Variants in PARD3B observed in about 807,000 individuals in gnomAD.
PARD3B encodes the protein partitioning defective 3 homolog B.
A neutral mutation model predicts 130.2 loss-of-function variants in PARD3B; 103 were observed. That is an observed-to-expected ratio of 0.79 (90% CI 0.67 to 0.93). PARD3B has a LOEUF of 0.93. Ranked by LOEUF, PARD3B falls within the 40% of genes least tolerant of loss-of-function variation. The pLI is 0.00. For missense variants in PARD3B, 1,609 were observed against 1,499.2 expected, an observed-to-expected ratio of 1.07 and a Z score of -1.21; for synonymous variants, 583 against 553.2, an observed-to-expected ratio of 1.05 and a Z score of -0.76.
chr2:204,581,681 C>T (rs1266061592), intron 1 of PARD3B, among the ~76,000 whole-genome samples: 1 of 152,112 alleles, frequency 6.6e-6, no homozygotes, highest in African/African-American at 2.4e-5. Flanking sequence ...ATCCCTAAAT[C>T]CTCAAAAAAC....
rs1247675852 is a variant in PARD3B at position 205,156,280 on chromosome 2, GAGGA to G, written c.1435-2440_1435-2437del. On this transcript the variant is annotated intron_variant, in intron 10 of 22. Transcript: ENST00000406610. ...ACTGTTGTGGGGTGGGCGGGGGGGG[GAGGA>G]ATAGCATTAGGAGATATACCTAATG... is the stretch of plus-strand genomic sequence containing the variant. Among the ~76,000 whole-genome samples the G allele has an allele frequency of 3.8e-4, 51 of 133,910 alleles. 1 individual carries two copies. The highest frequency in any genetic ancestry group is 3.8e-3 in the Middle Eastern group (1 of 264). 87.9% of individuals were successfully genotyped at this position (133,910 alleles called of 152,430 possible). A position where few individuals can be genotyped will look rare whatever the true frequency, so the allele number is the denominator to read the frequency against.
chr2:205,257,411 T>G (rs572884827), intron 16 of PARD3B, among the ~76,000 whole-genome samples: 10 of 151,444 alleles, frequency 6.6e-5, no homozygotes, highest in Non-Finnish European at 1.2e-4. Context: ...TTGTAAAATA[T>G]CATGGCATGC....
chr2:205,184,210 A>T lies in PARD3B; in HGVS notation c.1925-1554A>T, dbSNP rs1576111770. ...TATCTAGGTACCCTGTGGCCCAGTG[A>T]GATTGACATATAAAATTAACCATCA... On this transcript the variant is annotated intron_variant, in intron 13 of 22. Transcript: ENST00000406610. 2.6e-5 allele frequency among the ~76,000 whole-genome samples: 4 copies of T among 152,174 alleles called. No homozygotes were observed. In the South Asian group the frequency reaches 8.3e-4, roughly 32 times the overall value.
chr2:205,225,273 T>C (rs1365564511), intron 15 of PARD3B, among the ~76,000 whole-genome samples: 1 of 152,232 alleles, frequency 6.6e-6, no homozygotes, highest in Non-Finnish European at 1.5e-5. Context: ...GCATTTGTTA[T>C]TGCCTGTCTT....
intron 5 of PARD3B, among the ~76,000 whole-genome samples, chr2:205,107,800 G>A (rs973284436): frequency 1.3e-5 from 2 of 152,180 alleles, no homozygotes; most frequent in Admixed American, 1.3e-4. Flanking sequence ...CTCTTATGAA[G>A]CACCACTCAA....
chr2:204,849,051 C>T (rs901132590), intron 2 of PARD3B, among the ~76,000 whole-genome samples: 1 of 151,918 alleles, frequency 6.6e-6, no homozygotes, highest in Non-Finnish European at 1.5e-5. Flanking sequence ...TTAGAGGTTG[C>T]TTGGCTATAT....
chr2:205,559,094 AC>A (rs2053027299), intron 22 of PARD3B, among the ~76,000 whole-genome samples: 1 of 152,010 alleles, frequency 6.6e-6, no homozygotes, highest in Non-Finnish European at 1.5e-5. Context: ...TGTTTCCTCT[AC>A]CCAGGTGGAG....
At chr2:205,084,201 T>C (rs1701607740) in intron 4 of PARD3B, among the ~76,000 whole-genome samples, 1 of 152,160 alleles carries the variant, frequency 6.6e-6, no homozygotes, top group Non-Finnish European at 1.5e-5. Flanking sequence ...TAATTGTTTT[T>C]CTGTTTTTTA....
intron 10 of PARD3B, among the ~76,000 whole-genome samples, chr2:205,150,665 G>A (rs73982711): frequency 0.035 from 5,327 of 152,162 alleles, 188 homozygotes; most frequent in African/African-American, 0.09. Flanking sequence ...AAACATAACT[G>A]TACTTGGGTG....
At chr2:205,080,891 C>G (rs1178556632) in intron 4 of PARD3B, among the ~76,000 whole-genome samples, 1 of 151,138 alleles carries the variant, frequency 6.6e-6, no homozygotes. Context: ...TTGAGCACCT[C>G]TTCATATGTT....
At chr2:204,620,767 T>G (rs556203521) in intron 1 of PARD3B, among the ~76,000 whole-genome samples, 1 of 152,268 alleles carries the variant, frequency 6.6e-6, no homozygotes, top group African/African-American at 2.4e-5. Flanking sequence ...ATGGGAAGTA[T>G]GTACTTTCAG....
At chr2:205,051,312 A>G (rs905049006) in intron 4 of PARD3B, among the ~76,000 whole-genome samples, 10 of 152,188 alleles carry the variant, frequency 6.6e-5, no homozygotes, top group Non-Finnish European at 1.3e-4. Flanking sequence ...CTAATATGAA[A>G]AATAATTGCT....
At chr2:204,930,502 A>G (rs1158935982) in intron 2 of PARD3B, among the ~76,000 whole-genome samples, 3 of 152,042 alleles carry the variant, frequency 2.0e-5, no homozygotes, top group Non-Finnish European at 2.9e-5. Context: ...TGCAGAATCC[A>G]TAGATACGGA....
chr2:204,867,397 T>A (rs912789685), intron 2 of PARD3B, among the ~76,000 whole-genome samples: 4 of 152,226 alleles, frequency 2.6e-5, no homozygotes, highest in Admixed American at 1.3e-4. Context: ...CATTGTTGTG[T>A]CTTCCAGTCT....
At chr2:204,874,044 G>T (rs2045742431) in intron 2 of PARD3B, among the ~76,000 whole-genome samples, 1 of 152,178 alleles carries the variant, frequency 6.6e-6, no homozygotes, top group African/African-American at 2.4e-5. Flanking sequence ...TTGGGAGGCT[G>T]AGGCAGGAGA....
chr2:205,320,599 A>G (rs1329654262), intron 18 of PARD3B, among the ~76,000 whole-genome samples: 1 of 152,224 alleles, frequency 6.6e-6, no homozygotes, highest in Non-Finnish European at 1.5e-5. Context: ...ACAACTATCA[A>G]TAGAGAGGAT....
chr2:205,444,470 G>A (rs1383082535), intron 20 of PARD3B, among the ~76,000 whole-genome samples: 2 of 152,122 alleles, frequency 1.3e-5, no homozygotes, highest in Non-Finnish European at 2.9e-5. Flanking sequence ...AAAAAAGAAA[G>A]GTTCTGAAGT....
chr2:205,155,360 G>C (rs937869451), intron 10 of PARD3B, among the ~76,000 whole-genome samples: 5 of 152,068 alleles, frequency 3.3e-5, no homozygotes, highest in South Asian at 2.1e-4. Context: ...AGCTATGCCT[G>C]CTCCAAAATA....
chr2:204,577,122 A>G (rs1037427585), intron 1 of PARD3B, among the ~76,000 whole-genome samples: 7 of 152,260 alleles, frequency 4.6e-5, no homozygotes, highest in Non-Finnish European at 7.3e-5. Flanking sequence ...ACTTATTTAC[A>G]TATCTTTGTA....
Sources: allele counts gnomAD v4.1 joint callset (sites outside exome capture counted in the v4.1 genomes callset), GRCh38; gene constraint gnomAD v4.1.1; transcripts MANE v1.5; gene names NCBI Gene and HGNC (gene_info 2026-07-23, HGNC 2026-07-21).